Variants in PTPRD observed in about 807,000 individuals in gnomAD.
The protein encoded by PTPRD is protein tyrosine phosphatase receptor type D.
Under a neutral mutation model 214.5 loss-of-function variants are expected in PTPRD, and 34 were observed. The ratio of observed to expected loss-of-function variants is 0.16; its 90% CI spans 0.12 to 0.21. The LOEUF (loss-of-function observed/expected upper bound fraction) is 0.21, where lower values mean the gene tolerates loss of function less well. Ranked by LOEUF, PTPRD falls within the 10% of genes least tolerant of loss-of-function variation. PTPRD has a pLI of 1.00. For synonymous variants in PTPRD, 1,128 were observed against 845.7 expected (o/e 1.33, Z -5.79); for missense variants, 2,545 against 2,398.7 (o/e 1.06, Z -1.27).
rs764368859 is a variant in PTPRD at position 8,485,954 on chromosome 9, T to C, written c.2863A>G (p.Thr955Ala). 11 of 1,613,958 alleles carry C rather than the reference T, an allele frequency of 6.8e-6. No homozygotes were observed. The highest frequency in any genetic ancestry group is 8.5e-6 in the Non-Finnish European group (10 of 1,180,036). The change falls in exon 28 of 46, where the codon ACC (threonine) becomes GCC (alanine). Residue 955 changes from threonine to alanine, a missense_variant. Thr to Ala is a moderately conservative substitution (Grantham distance 58, BLOSUM62 0). Transcript: ENST00000381196. ...AERNGIITKY[T>A]LLYRDINIPL... The stretch of plus-strand genomic sequence containing the variant: ...ATGTTGATATCCCTATAAAGAAGGG[T>C]ATACTTGGTGATAATGCCATTTCTC...
intron 3 of PTPRD, among the ~76,000 whole-genome samples, chr9:10,270,889 G>T (rs1403353712): frequency 2.0e-5 from 3 of 151,994 alleles, no homozygotes; most frequent in East Asian, 3.9e-4. Flanking sequence ...GGAGTGCAGT[G>T]GTGCAATCAT....
intron 7 of PTPRD, among the ~76,000 whole-genome samples, chr9:9,631,355 C>A (rs945920513): frequency 1.3e-5 from 2 of 151,978 alleles, no homozygotes; most frequent in South Asian, 2.1e-4. Context: ...ACGATTACAT[C>A]ATAGTCCTTA....
intron 11 of PTPRD, among the ~76,000 whole-genome samples, chr9:8,959,826 G>C (rs2099149798): frequency 6.6e-6 from 1 of 151,926 alleles, no homozygotes; most frequent in Admixed American, 6.6e-5. Flanking sequence ...TTTCTCCAGG[G>C]CATGTAGACG....
intron 2 of PTPRD, among the ~76,000 whole-genome samples, chr9:10,378,978 C>G (rs965714311): frequency 5.3e-5 from 8 of 151,568 alleles, no homozygotes; most frequent in African/African-American, 1.9e-4. Context: ...TTTTGGTGTC[C>G]TCTTCAATTT....
intron 4 of PTPRD, among the ~76,000 whole-genome samples, chr9:9,948,521 G>A (rs2093071542): frequency 6.6e-6 from 1 of 151,266 alleles, no homozygotes; most frequent in African/African-American, 2.4e-5. Flanking sequence ...AAAGTAAAAT[G>A]TAGAGATAAA....
intron 10 of PTPRD, among the ~76,000 whole-genome samples, chr9:9,050,627 T>G (rs1442731295): frequency 6.6e-6 from 1 of 152,186 alleles, no homozygotes; most frequent in Non-Finnish European, 1.5e-5. Flanking sequence ...AGTAGAGTGA[T>G]GAAATCTCAG....
chr9:8,895,093 C>T (rs1587586898), intron 11 of PTPRD, among the ~76,000 whole-genome samples: 1 of 152,216 alleles, frequency 6.6e-6, no homozygotes, highest in Non-Finnish European at 1.5e-5. Flanking sequence ...TTGTGCAGTA[C>T]TCTTACACTG....
intron 10 of PTPRD, among the ~76,000 whole-genome samples, chr9:9,057,873 A>C (rs2099699205): frequency 6.6e-6 from 1 of 152,196 alleles, no homozygotes; most frequent in Non-Finnish European, 1.5e-5. Flanking sequence ...AAATAATTAT[A>C]ATATTAGCAC....
At chr9:10,608,215 G>A (rs887063214) in intron 2 of PTPRD, among the ~76,000 whole-genome samples, 2 of 151,994 alleles carry the variant, frequency 1.3e-5, no homozygotes, top group Non-Finnish European at 2.9e-5. Context: ...TGGGAAAAAG[G>A]AAGACCAAAG....
intron 3 of PTPRD, among the ~76,000 whole-genome samples, chr9:10,316,519 A>G (rs2096437563): frequency 6.6e-6 from 1 of 151,914 alleles, no homozygotes; most frequent in Admixed American, 6.6e-5. Flanking sequence ...AGAAAAGCCA[A>G]AGGAATATAC....
intron 12 of PTPRD, among the ~76,000 whole-genome samples, chr9:8,717,720 T>C (rs955519222): frequency 5.9e-5 from 9 of 152,340 alleles, no homozygotes; most frequent in African/African-American, 2.2e-4. Flanking sequence ...GGGGCCTACA[T>C]GTCTACATTC....
chr9:9,414,265 C>A (rs544137609), intron 8 of PTPRD, among the ~76,000 whole-genome samples: 1 of 152,306 alleles, frequency 6.6e-6, no homozygotes, highest in South Asian at 2.1e-4. Context: ...GTCACAGAAA[C>A]AATAGCTTAA....
At chr9:8,712,317 T>A (rs954065149) in intron 12 of PTPRD, among the ~76,000 whole-genome samples, 1 of 152,364 alleles carries the variant, frequency 6.6e-6, no homozygotes, top group East Asian at 1.9e-4. Context: ...AAGAAGTCAT[T>A]ATTTATTACA....
intron 3 of PTPRD, among the ~76,000 whole-genome samples, chr9:10,035,899 C>T (rs1375698468): frequency 2.2e-5 from 3 of 136,140 alleles, no homozygotes; most frequent in African/African-American, 8.6e-5. Context: ...CTAACTTTGG[C>T]CCTTGTTCAG....
chr9:9,668,390 G>A (rs1021569157), intron 7 of PTPRD, among the ~76,000 whole-genome samples: 1 of 152,090 alleles, frequency 6.6e-6, no homozygotes, highest in African/African-American at 2.4e-5. Context: ...AGTCTTCAAA[G>A]TCTAAATTAG....
At chr9:10,008,965 T>C (rs2096543764) in intron 4 of PTPRD, among the ~76,000 whole-genome samples, 1 of 151,116 alleles carries the variant, frequency 6.6e-6, no homozygotes, top group South Asian at 2.1e-4. Flanking sequence ...TAACAAATGA[T>C]TGGATTTTAT....
At chr9:10,581,840 T>G (rs1236147768) in intron 2 of PTPRD, among the ~76,000 whole-genome samples, 1 of 152,120 alleles carries the variant, frequency 6.6e-6, no homozygotes, top group Non-Finnish European at 1.5e-5. Flanking sequence ...GACAGATGCT[T>G]TAAATACAGG....
intron 8 of PTPRD, among the ~76,000 whole-genome samples, chr9:9,409,768 C>G (rs2141841204): frequency 6.6e-6 from 1 of 152,142 alleles, no homozygotes; most frequent in East Asian, 1.9e-4. Context: ...AGCTGATTTT[C>G]AAATTTGCTG....
At chr9:8,812,271 T>TCACTGG (rs2096824694) in intron 11 of PTPRD, among the ~76,000 whole-genome samples, 1 of 152,186 alleles carries the variant, frequency 6.6e-6, no homozygotes, top group South Asian at 2.1e-4. Flanking sequence ...TACATATATA[T>TCACTGG]TTATAGGTCT....
Sources: allele counts gnomAD v4.1 joint callset (sites outside exome capture counted in the v4.1 genomes callset), GRCh38; gene constraint gnomAD v4.1.1; transcripts MANE v1.5; gene names NCBI Gene and HGNC (gene_info 2026-07-23, HGNC 2026-07-21).